MTRF1: variants seen among roughly 807,000 people sequenced by gnomAD.
MTRF1 encodes the protein mitochondrial translation release factor 1, also known as peptide chain release factor 1, mitochondrial.
A neutral mutation model predicts 62.9 loss-of-function variants in MTRF1; 51 were observed. The observed-to-expected ratio is 0.81, with a 90% confidence interval of 0.65 to 1.02. The LOEUF is 1.02. Among genes scored for constraint, MTRF1 ranks in the 50% least tolerant of loss-of-function variants. The pLI is 0.00. For synonymous variants in MTRF1, 158 were observed against 181.9 expected, an observed-to-expected ratio of 0.87 and a Z score of 1.06; for missense variants, 446 against 530.0, an observed-to-expected ratio of 0.84 and a Z score of 1.56.
chr13:41,297,669 G>A, the MTRF1 span, among the ~76,000 whole-genome samples: 17 of 151,286 alleles, frequency 1.1e-4, no homozygotes, highest in Admixed American at 9.3e-4. Context: ...TCTGCCTTCC[G>A]GGTTCAAGTG....
Position 41,216,970 on chromosome 13 carries a change from C to T in MTRF1, c.*145G>A, listed in dbSNP as rs568281188. 37 of 465,456 alleles carry T rather than the reference C, an allele frequency of 7.9e-5. No homozygotes were observed. The highest frequency in any genetic ancestry group is 3.2e-4 in the African/African-American group (16 of 49,984). The allele number at this position is 465,456 out of a possible 1,614,324, so 28.8% of individuals were successfully genotyped here. ...ATTCTTAGGTCAGGAAATGTGACTTCGATTAATTACAAAACATATATTTAT... is the reference window on the plus strand; with the variant it reads ...ATTCTTAGGTCAGGAAATGTGACTTTGATTAATTACAAAACATATATTTAT... On this transcript the variant is annotated 3_prime_UTR_variant, in exon 10 of 10. Transcript: ENST00000379480.
chr13:41,268,645 A>G, the MTRF1 span, among the ~76,000 whole-genome samples: 1 of 152,208 alleles, frequency 6.6e-6, no homozygotes, highest in Non-Finnish European at 1.5e-5. Context: ...AGGGGAAACA[A>G]AACTTATATG....
At chr13:41,306,861 T>C in the MTRF1 span, among the ~76,000 whole-genome samples, 2 of 152,228 alleles carry the variant, frequency 1.3e-5, no homozygotes, top group African/African-American at 4.8e-5. Context: ...ATTTACACAG[T>C]ATTTGTTTTT....
chr13:41,306,714 G>C, the MTRF1 span, among the ~76,000 whole-genome samples: 1 of 152,166 alleles, frequency 6.6e-6, no homozygotes. Context: ...TACAGATGTG[G>C]TTACTGTTAT....
the MTRF1 span, among the ~76,000 whole-genome samples, chr13:41,271,252 A>C: frequency 4.6e-3 from 703 of 152,092 alleles, 6 homozygotes; most frequent in Middle Eastern, 0.01. Context: ...GAACTTAGGA[A>C]CTCTAGAGTT....
At chr13:41,250,430 A>G (rs1432751356) in intron 5 of MTRF1, among the ~76,000 whole-genome samples, 5 of 152,118 alleles carry the variant, frequency 3.3e-5, no homozygotes, top group Admixed American at 2.6e-4. Context: ...GACAGGTATC[A>G]AATAGCTTGC....
chr13:41,298,396 T>TTTCTTTTC, the MTRF1 span, among the ~76,000 whole-genome samples: 2 of 150,516 alleles, frequency 1.3e-5, no homozygotes, highest in Admixed American at 6.6e-5. Flanking sequence ...ATTACGAAGT[T>TTTCTTTTC]ACACTCTCAT....
chr13:41,311,191 C>G, the MTRF1 span: 6 of 453,452 alleles, frequency 1.3e-5, no homozygotes, highest in Non-Finnish European at 2.0e-5. Flanking sequence ...CGTAGTCACC[C>G]GCAGCCCCTC....
At chr13:41,272,568 A>G in the MTRF1 span, among the ~76,000 whole-genome samples, 2 of 152,290 alleles carry the variant, frequency 1.3e-5, no homozygotes, top group East Asian at 3.9e-4. Flanking sequence ...AACGAAACCC[A>G]ACAATATGAT....
chr13:41,217,360 A>G lies in MTRF1; in HGVS notation c.1225-132T>C, dbSNP rs1044872619. On this transcript the variant is annotated intron_variant, in intron 9 of 9. Transcript: ENST00000379480. ...AGGATTACTAATGTTCTGTAATACA[A>G]TGAACACAATCGCTAACTTGGGAAG... is the stretch of plus-strand genomic sequence containing the variant. 5.0e-5 allele frequency: 25 copies of G among 498,764 alleles called. No homozygotes were observed. The South Asian group carries it at 5.5e-4, about 11-fold the overall frequency. 30.9% of individuals were successfully genotyped at this position (498,764 alleles called of 1,614,324 possible).
At chr13:41,251,887 A>ATT (rs879524406) in intron 5 of MTRF1, among the ~76,000 whole-genome samples, 4 of 146,768 alleles carry the variant, frequency 2.7e-5, no homozygotes, top group African/African-American at 9.9e-5. Context: ...ATGTTGTATC[A>ATT]TTTTTTTTTT....
At chr13:41,274,834 C>A in the MTRF1 span, among the ~76,000 whole-genome samples, 1 of 151,982 alleles carries the variant, frequency 6.6e-6, no homozygotes, top group East Asian at 1.9e-4. Flanking sequence ...CAGGGTTTCA[C>A]CATTTTGACC....
At chr13:41,245,436 C>A (rs1297070233) in intron 5 of MTRF1, among the ~76,000 whole-genome samples, 4 of 151,818 alleles carry the variant, frequency 2.6e-5, no homozygotes, top group Non-Finnish European at 4.4e-5. Flanking sequence ...GAGACAAGAT[C>A]TCACCATGTG....
chr13:41,307,065 T>G, the MTRF1 span, among the ~76,000 whole-genome samples: 4 of 152,218 alleles, frequency 2.6e-5, no homozygotes, highest in Non-Finnish European at 4.4e-5. Context: ...TTACATCTTT[T>G]ATACACATAA....
chr13:41,283,642 T>G, the MTRF1 span, among the ~76,000 whole-genome samples: 70 of 128,610 alleles, frequency 5.4e-4, no homozygotes, highest in Middle Eastern at 5.7e-3. Flanking sequence ...CAGGCTGGAG[T>G]GCAGTGGCGC....
chr13:41,217,763 C>CTA (rs2032199691), intron 9 of MTRF1, among the ~76,000 whole-genome samples: 1 of 152,240 alleles, frequency 6.6e-6, no homozygotes, highest in Admixed American at 6.5e-5. Context: ...AATGCACATA[C>CTA]TGCTCCTTGC....
At chr13:41,278,792 G>A in the MTRF1 span, among the ~76,000 whole-genome samples, 1 of 152,050 alleles carries the variant, frequency 6.6e-6, no homozygotes, top group Admixed American at 6.5e-5. Context: ...CTTAGTCCCT[G>A]TAAATAAAAA....
At chr13:41,295,415 T>C in the MTRF1 span, among the ~76,000 whole-genome samples, 1 of 152,210 alleles carries the variant, frequency 6.6e-6, no homozygotes, top group Admixed American at 6.5e-5. Context: ...TTGTACATCA[T>C]AATCCTGGAC....
At chr13:41,273,291 A>T in the MTRF1 span, among the ~76,000 whole-genome samples, 143 of 150,048 alleles carry the variant, frequency 9.5e-4, no homozygotes, top group Admixed American at 5.3e-3. Flanking sequence ...GCGCCACTGC[A>T]CTCCAGCCTG....
Sources: gnomAD v4.1 joint callset for allele counts (sites outside exome capture counted in the v4.1 genomes callset) on GRCh38, gnomAD v4.1.1 for gene constraint, MANE v1.5 for transcripts, NCBI Gene and HGNC (gene_info 2026-07-23, HGNC 2026-07-21) for gene names.